The following FAM110B variants were observed in gnomAD, a reference collection of about 807,000 sequenced individuals.
The protein encoded by FAM110B is protein FAM110B.
FAM110B carries 6 observed loss-of-function variants against 20.4 expected under a neutral mutation model. The observed-to-expected ratio is 0.29, with a 90% CI of 0.16 to 0.58. FAM110B has a LOEUF of 0.58. FAM110B is among the 20% of genes least tolerant of loss of function. The probability of loss-of-function intolerance (pLI) is 0.90; values close to 1 mark genes in which losing one functional copy is unlikely to be tolerated. For missense variants in FAM110B, 434 were observed against 498.2 expected (o/e 0.87, Z 1.23); for synonymous variants, 226 against 214.1 (o/e 1.06, Z -0.49).
At chr8:58,109,067 C>T (rs1457015774) in intron 3 of FAM110B, among the ~76,000 whole-genome samples, 1 of 152,190 alleles carries the variant, frequency 6.6e-6, no homozygotes, top group Non-Finnish European at 1.5e-5. Flanking sequence ...CACTTTTCCT[C>T]TTTTACCTCT....
At chr8:58,128,830 A>G (rs1311453751) in intron 3 of FAM110B, among the ~76,000 whole-genome samples, 1 of 152,254 alleles carries the variant, frequency 6.6e-6, no homozygotes, top group Non-Finnish European at 1.5e-5. Context: ...TTTCTGAGAC[A>G]AACAATAAGT....
At chr8:58,048,605 T>A (rs1002658286) in intron 2 of FAM110B, among the ~76,000 whole-genome samples, 5 of 152,232 alleles carry the variant, frequency 3.3e-5, no homozygotes, top group Non-Finnish European at 5.9e-5. Flanking sequence ...TTGTTATTGT[T>A]TTATATTATG....
chr8:58,003,975 C>T (rs187506848), intron 1 of FAM110B, among the ~76,000 whole-genome samples: 2 of 152,246 alleles, frequency 1.3e-5, no homozygotes, highest in East Asian at 3.9e-4. Flanking sequence ...GACCAGCAGT[C>T]CCCAACATTT....
chr8:58,060,783 G>A (rs1014936777), intron 2 of FAM110B, among the ~76,000 whole-genome samples: 7 of 152,132 alleles, frequency 4.6e-5, no homozygotes. Flanking sequence ...CCTATCCCAA[G>A]CTGGGATTTG....
intron 2 of FAM110B, among the ~76,000 whole-genome samples, chr8:58,058,325 A>T (rs1441845046): frequency 9.5e-6 from 1 of 105,602 alleles, no homozygotes; most frequent in African/African-American, 4.0e-5. Context: ...ACGATATCAG[A>T]GACAAAAAGG....
chr8:58,038,971 G>A (rs1253441888), intron 2 of FAM110B, among the ~76,000 whole-genome samples: 4 of 152,328 alleles, frequency 2.6e-5, no homozygotes, highest in Non-Finnish European at 2.9e-5. Context: ...CCAGAAAGAC[G>A]TGGCTCTTGA....
chr8:58,058,408 A>G (rs1048870815), intron 2 of FAM110B, among the ~76,000 whole-genome samples: 4 of 152,194 alleles, frequency 2.6e-5, no homozygotes, highest in African/African-American at 9.6e-5. Flanking sequence ...AAGTGGCTTT[A>G]TTACAAACGT....
chr8:58,082,068 A>G (rs1266195542), intron 3 of FAM110B, among the ~76,000 whole-genome samples: 1 of 152,184 alleles, frequency 6.6e-6, no homozygotes, highest in Non-Finnish European at 1.5e-5. Flanking sequence ...TCTTCTGTAC[A>G]GGGAGCTGCG....
intron 1 of FAM110B, among the ~76,000 whole-genome samples, chr8:58,003,583 A>T (rs985260491): frequency 6.6e-6 from 1 of 152,246 alleles, no homozygotes; most frequent in Non-Finnish European, 1.5e-5. Flanking sequence ...TGCAGAATGA[A>T]TGTTGTGTTA....
At chr8:58,012,932 G>A (rs1804568071) in intron 1 of FAM110B, among the ~76,000 whole-genome samples, 1 of 152,108 alleles carries the variant, frequency 6.6e-6, no homozygotes, top group South Asian at 2.1e-4. Context: ...CCTGAGCTTG[G>A]CAAGGTGAAG....
At chr8:58,145,133 C>T (rs1803831204) in intron 3 of FAM110B, among the ~76,000 whole-genome samples, 1 of 151,924 alleles carries the variant, frequency 6.6e-6, no homozygotes, top group Admixed American at 6.6e-5. Flanking sequence ...TTATGGATAA[C>T]TTAGGGACAA....
chr8:58,030,102 A>G (rs2150572491), intron 1 of FAM110B, among the ~76,000 whole-genome samples: 1 of 152,368 alleles, frequency 6.6e-6, no homozygotes, highest in South Asian at 2.1e-4. Flanking sequence ...TCACAATCAA[A>G]TTAATATGGG....
At chr8:58,135,514 C>T (rs745878114) in intron 3 of FAM110B, among the ~76,000 whole-genome samples, 39 of 152,200 alleles carry the variant, frequency 2.6e-4, no homozygotes, top group Non-Finnish European at 4.7e-4. Context: ...CATTTTATTT[C>T]AGAGTAAATA....
At chr8:58,004,722 G>C (rs193142754) in intron 1 of FAM110B, among the ~76,000 whole-genome samples, 77 of 152,326 alleles carry the variant, frequency 5.1e-4, no homozygotes, top group African/African-American at 1.8e-3. Context: ...TCCAGCCTGG[G>C]CGACAGAGCA....
At chr8:58,047,634 C>CTCTCTCTG (rs1491019996) in intron 2 of FAM110B, among the ~76,000 whole-genome samples, 1 of 144,946 alleles carries the variant, frequency 6.9e-6, no homozygotes, top group African/African-American at 2.7e-5. Context: ...CTCTCTCTCT[C>CTCTCTCTG]TGACTTATAT....
At chr8:58,036,754 G>A (rs1805080214) in intron 2 of FAM110B, among the ~76,000 whole-genome samples, 1 of 152,164 alleles carries the variant, frequency 6.6e-6, no homozygotes, top group Admixed American at 6.5e-5. Context: ...CTGTAATTGA[G>A]TTTGCTTCCT....
chr8:58,134,383 C>A (rs995772790), intron 3 of FAM110B, among the ~76,000 whole-genome samples: 5 of 152,118 alleles, frequency 3.3e-5, no homozygotes, highest in Non-Finnish European at 1.5e-5. Context: ...AATAAGCAGT[C>A]TCCATGTATT....
intron 3 of FAM110B, among the ~76,000 whole-genome samples, chr8:58,141,364 G>A (rs1037247251): frequency 6.6e-6 from 1 of 152,204 alleles, no homozygotes; most frequent in African/African-American, 2.4e-5. Flanking sequence ...AAGAATGTTT[G>A]AGCTAAAGAC....
chr8:58,082,958 A>G (rs545700556), intron 3 of FAM110B, among the ~76,000 whole-genome samples: 44 of 150,164 alleles, frequency 2.9e-4, no homozygotes, highest in Admixed American at 1.1e-3. Flanking sequence ...TCAGTGAGCT[A>G]TGATCATGCC....
Sources: allele counts gnomAD v4.1 joint callset (sites outside exome capture counted in the v4.1 genomes callset), GRCh38; gene constraint gnomAD v4.1.1; transcripts MANE v1.5; gene names NCBI Gene and HGNC (gene_info 2026-07-23, HGNC 2026-07-21).